Variants in FMN1 observed in about 807,000 individuals in gnomAD.
FMN1 encodes the protein formin 1, also known as formin-1.
A neutral mutation model predicts 132.4 loss-of-function variants in FMN1; 110 were observed. The observed-to-expected ratio is 0.83, with a 90% CI of 0.71 to 0.97. The LOEUF (loss-of-function observed/expected upper bound fraction) is 0.97. FMN1 is among the 50% of genes least tolerant of loss of function. FMN1 has a pLI of 0.00. For synonymous variants in FMN1, 722 were observed against 651.7 expected, an observed-to-expected ratio of 1.11 and a Z score of -1.64; for missense variants, 1,792 against 1,705.3, an observed-to-expected ratio of 1.05 and a Z score of -0.90.
intron 3 of FMN1, among the ~76,000 whole-genome samples, chr15:33,168,020 C>T (rs542142025): frequency 1.3e-5 from 2 of 152,232 alleles, no homozygotes; most frequent in South Asian, 4.2e-4. Context: ...TAAGATCAAA[C>T]CCGTGTTATT....
intron 4 of FMN1, among the ~76,000 whole-genome samples, chr15:33,122,188 A>T (rs1962626660): frequency 6.6e-6 from 1 of 152,226 alleles, no homozygotes; most frequent in African/African-American, 2.4e-5. Flanking sequence ...GTGAAACCTA[A>T]AAGATTGAAA....
At chr15:32,945,425 G>GTT (rs1021755759) in intron 9 of FMN1, among the ~76,000 whole-genome samples, 4 of 152,078 alleles carry the variant, frequency 2.6e-5, no homozygotes, top group African/African-American at 9.7e-5. Context: ...AAATAACAAA[G>GTT]TTTGCATGAC....
chr15:32,915,211 T>G (rs926905753), intron 10 of FMN1, among the ~76,000 whole-genome samples: 3 of 152,198 alleles, frequency 2.0e-5, no homozygotes, highest in African/African-American at 7.2e-5. Context: ...CTGCCTTACA[T>G]GTACATAATC....
At chr15:32,801,968 T>C (rs939522236) in intron 18 of FMN1, among the ~76,000 whole-genome samples, 2 of 152,256 alleles carry the variant, frequency 1.3e-5, no homozygotes, top group Non-Finnish European at 2.9e-5. Flanking sequence ...TCACAGAGAT[T>C]GACCACTGAA....
intron 12 of FMN1, among the ~76,000 whole-genome samples, chr15:32,905,085 C>T (rs2060389825): frequency 6.6e-6 from 1 of 152,174 alleles, no homozygotes; most frequent in Admixed American, 6.5e-5. Context: ...GGATCCTTCC[C>T]TTCTTTCTCC....
chr15:33,109,833 T>C (rs1331742644), intron 4 of FMN1, among the ~76,000 whole-genome samples: 3 of 129,630 alleles, frequency 2.3e-5, no homozygotes, highest in Non-Finnish European at 5.2e-5. Flanking sequence ...AAATCTAAAA[T>C]GAAAGTTAAA....
At chr15:33,025,081 A>G (rs529910296) in intron 6 of FMN1, among the ~76,000 whole-genome samples, 25 of 152,124 alleles carry the variant, frequency 1.6e-4, no homozygotes, top group Non-Finnish European at 3.5e-4. Context: ...ATTAATAACA[A>G]TTTTACCCAA....
intron 4 of FMN1, among the ~76,000 whole-genome samples, chr15:33,133,067 G>A (rs531378453): frequency 2.0e-5 from 3 of 152,290 alleles, no homozygotes; most frequent in South Asian, 2.1e-4. Flanking sequence ...ACAGGGATAG[G>A]GGGCCAAGCA....
intron 10 of FMN1, among the ~76,000 whole-genome samples, chr15:32,918,376 G>A (rs1237633802): frequency 6.6e-6 from 1 of 152,170 alleles, no homozygotes; most frequent in Non-Finnish European, 1.5e-5. Context: ...CTGCTATTGT[G>A]TCATGTTAAC....
intron 4 of FMN1, among the ~76,000 whole-genome samples, chr15:33,127,287 C>T (rs1196443116): frequency 1.3e-5 from 2 of 152,262 alleles, no homozygotes; most frequent in African/African-American, 2.4e-5. Flanking sequence ...AACAAGAATC[C>T]GTCAAATAAG....
chr15:32,870,436 A>T (rs534312217), intron 16 of FMN1, among the ~76,000 whole-genome samples: 1 of 152,324 alleles, frequency 6.6e-6, no homozygotes, highest in East Asian at 1.9e-4. Flanking sequence ...ACCTTAATGT[A>T]CCATGATTGG....
At chr15:33,026,833 C>A (rs34721455) in intron 6 of FMN1, among the ~76,000 whole-genome samples, 1 of 152,116 alleles carries the variant, frequency 6.6e-6, no homozygotes, top group Non-Finnish European at 1.5e-5. Context: ...GCCAGGCTAC[C>A]TGCCCAGGTT....
chr15:32,857,045 T>C lies in FMN1; in HGVS notation c.3898A>G (p.Lys1300Glu), dbSNP rs778922011. 6 of 1,613,742 alleles carry C rather than the reference T, an allele frequency of 3.7e-6. No individual in the cohort carries two copies. Among genetic ancestry groups the C allele is most frequent in the Non-Finnish European group, 5.1e-6 (6 of 1,179,752 alleles). ...ESPKEYLQPF[K>E]DKLEEFFQKA... ...TGGAAGAACTCCTCTAGTTTGTCCTTGAAAGGCTGGAGATACTCCTTTGGG... is the reference window on the plus strand; with the variant it reads ...TGGAAGAACTCCTCTAGTTTGTCCTCGAAAGGCTGGAGATACTCCTTTGGG... The change falls in exon 17 of 21, where the codon AAG becomes GAG. Residue 1300 changes from lysine to glutamate, a missense_variant. By Grantham distance (56) the Lys-to-Glu change is moderately conservative. Transcript: ENST00000616417.
At chr15:32,942,020 G>A (rs750817436) in intron 9 of FMN1, among the ~76,000 whole-genome samples, 1 of 152,194 alleles carries the variant, frequency 6.6e-6, no homozygotes, top group African/African-American at 2.4e-5. Flanking sequence ...CTGACCTTGT[G>A]CAGGGGCAAA....
intron 4 of FMN1, among the ~76,000 whole-genome samples, chr15:33,093,318 A>T (rs938037726): frequency 4.6e-5 from 7 of 152,250 alleles, no homozygotes; most frequent in Non-Finnish European, 8.8e-5. Context: ...GAATATCAGA[A>T]CTGATATGTA....
chr15:33,001,812 A>T (rs994186984), intron 7 of FMN1, among the ~76,000 whole-genome samples: 1 of 151,348 alleles, frequency 6.6e-6, no homozygotes, highest in African/African-American at 2.4e-5. Flanking sequence ...CCTTTTGATA[A>T]GCTAGTAGCA....
Position 33,154,055 on chromosome 15 carries a change from C to G in FMN1, c.860G>C (p.Gly287Ala). Residue 287 changes from glycine (G) to alanine (A), a missense_variant, in exon 4 of 21, where the codon GGG becomes GCG. By Grantham distance (60) the Gly-to-Ala change is moderately conservative. This residue lies in a region of FMN1 where 638 missense variants were observed against 645.2 expected (regional missense o/e 0.99). Coordinates refer to ENST00000616417, the MANE Select transcript of FMN1 (RefSeq NM_001277313.2). ...CAAACCTGTTTGCTGATGCTCCAGC[C>G]CGCTCGGCGGCCTCCGAATGCCATC... ...GGDGIRRPPSGLEHQQTGLSE... is the reference protein window; with the variant it reads ...GGDGIRRPPSALEHQQTGLSE... 6.5e-7 allele frequency: 1 copy of G among 1,536,070 alleles called. No individual in the cohort carries two copies. The highest frequency in any genetic ancestry group is 2.4e-5 in the East Asian group (1 of 40,894).
chr15:32,914,237 T>G (rs927232879), intron 10 of FMN1, among the ~76,000 whole-genome samples: 2 of 152,354 alleles, frequency 1.3e-5, no homozygotes, highest in Admixed American at 6.5e-5. Flanking sequence ...GTTCAACTAT[T>G]ATATTGCTTT....
chr15:33,099,405 A>C (rs1341803653), intron 4 of FMN1, among the ~76,000 whole-genome samples: 1 of 152,236 alleles, frequency 6.6e-6, no homozygotes, highest in Non-Finnish European at 1.5e-5. Flanking sequence ...GCACTTCTGT[A>C]TGTATCACTA....
Sources: gnomAD v4.1 joint callset for allele counts (sites outside exome capture counted in the v4.1 genomes callset) on GRCh38, gnomAD v4.1.1 for gene constraint, gnomAD v4.1.1 regional missense constraint, MANE v1.5 for transcripts, NCBI Gene and HGNC (gene_info 2026-07-23, HGNC 2026-07-21) for gene names.